The following NTN1 variants were observed in gnomAD, a reference collection of about 807,000 sequenced individuals.
The protein encoded by NTN1 is netrin-1.
Under a neutral mutation model 54.2 loss-of-function variants are expected in NTN1, and 11 were observed. The ratio of observed to expected loss-of-function variants is 0.20; its 90% CI spans 0.13 to 0.34. NTN1 has a LOEUF of 0.34. Among genes scored for constraint, NTN1 ranks in the 10% least tolerant of loss-of-function variants. The probability of loss-of-function intolerance (pLI) is 1.00; values close to 1 mark genes in which losing one functional copy is unlikely to be tolerated. For missense variants in NTN1, 740 were observed against 893.1 expected (o/e 0.83, Z 2.18); for synonymous variants, 371 against 382.0 (o/e 0.97, Z 0.33).
intron 2 of NTN1, among the ~76,000 whole-genome samples, chr17:9,106,587 C>T (rs2092167844): frequency 6.6e-6 from 1 of 151,826 alleles, no homozygotes; most frequent in Non-Finnish European, 1.5e-5. Context: ...ACGCTCGGCT[C>T]ACTGCAACCT....
chr17:9,131,745 T>C (rs1280393533), intron 2 of NTN1, among the ~76,000 whole-genome samples: 6 of 152,074 alleles, frequency 3.9e-5, no homozygotes, highest in Non-Finnish European at 7.4e-5. Flanking sequence ...CACGCCTGGC[T>C]AATTTTTTGT....
intron 2 of NTN1, among the ~76,000 whole-genome samples, chr17:9,063,377 C>T (rs1004134971): frequency 1.3e-5 from 2 of 152,082 alleles, no homozygotes; most frequent in African/African-American, 2.4e-5. Context: ...GGATTACAGG[C>T]GTGAGCCACC....
At chr17:9,162,181 A>G (rs2092358930) in intron 2 of NTN1, among the ~76,000 whole-genome samples, 1 of 152,160 alleles carries the variant, frequency 6.6e-6, no homozygotes, top group African/African-American at 2.4e-5. Flanking sequence ...TGCAGGCCCC[A>G]GAGTCCTCGG....
chr17:9,041,080 G>C (rs1597466725), intron 2 of NTN1, among the ~76,000 whole-genome samples: 1 of 151,942 alleles, frequency 6.6e-6, no homozygotes, highest in Admixed American at 6.6e-5. Flanking sequence ...CCCAAACTGT[G>C]CTCTTTTTTT....
At chr17:9,099,354 G>A (rs559438313) in intron 2 of NTN1, among the ~76,000 whole-genome samples, 72 of 152,142 alleles carry the variant, frequency 4.7e-4, no homozygotes, top group Non-Finnish European at 2.4e-4. Flanking sequence ...GCAGTGAGCC[G>A]AGTTTGCGCC....
chr17:9,111,379 A>G (rs2092190039), intron 2 of NTN1, among the ~76,000 whole-genome samples: 1 of 152,222 alleles, frequency 6.6e-6, no homozygotes. Context: ...GGCAAATGCT[A>G]TGAATTTCAG....
chr17:9,207,845 A>T (rs1905006030), intron 5 of NTN1, among the ~76,000 whole-genome samples: 1 of 152,248 alleles, frequency 6.6e-6, no homozygotes, highest in Admixed American at 6.5e-5. Flanking sequence ...ACATCTGTTA[A>T]AGGTGGCATG....
At chr17:9,218,132 G>A (rs756848480) in intron 5 of NTN1, among the ~76,000 whole-genome samples, 2 of 152,106 alleles carry the variant, frequency 1.3e-5, no homozygotes, top group African/African-American at 4.8e-5. Flanking sequence ...CAGACACTCC[G>A]GCCATTCCCT....
chr17:9,208,492 C>T (rs1468419404), intron 5 of NTN1, among the ~76,000 whole-genome samples: 1 of 152,096 alleles, frequency 6.6e-6, no homozygotes, highest in Non-Finnish European at 1.5e-5. Context: ...GTCCGATTTG[C>T]CAGGGGAGGA....
chr17:9,230,376 T>A (rs1905764117), intron 6 of NTN1, among the ~76,000 whole-genome samples: 2 of 152,056 alleles, frequency 1.3e-5, no homozygotes, highest in South Asian at 4.1e-4. Context: ...GCATGGTGTT[T>A]CGGAGACTTG....
chr17:9,198,479 G>A (rs1377350595), intron 5 of NTN1, among the ~76,000 whole-genome samples: 6 of 152,210 alleles, frequency 3.9e-5, no homozygotes, highest in African/African-American at 9.6e-5. Flanking sequence ...GGCTCTGGGC[G>A]GGGCTCCAGC....
intron 6 of NTN1, among the ~76,000 whole-genome samples, chr17:9,227,657 T>TCAAACCATCACAC (rs137860749): frequency 1.2e-4 from 18 of 147,616 alleles, no homozygotes; most frequent in African/African-American, 4.3e-4. Context: ...CACCATCACA[T>TCAAACCATCACAC]ACCACACACA....
At position 9,201,011 on chromosome 17, in the gene NTN1, G is replaced by GT. The variant is rs947152198; in HGVS notation, c.1411+18050dup. 6.8e-4 allele frequency among the ~76,000 whole-genome samples: 104 copies of GT among 151,968 alleles called. 1 individual carries two copies. Among genetic ancestry groups the GT allele is most frequent in the East Asian group, 2.3e-3 (12 of 5,182 alleles). On this transcript the variant is annotated intron_variant, in intron 5 of 6. Coordinates refer to ENST00000173229, the MANE Select transcript of NTN1 (RefSeq NM_004822.3). Reference sequence around the variant, plus strand: ...TTGTTGCCTCTCTGGATGGGCTGCTGTTTTTTTTAATGGCACAGATGGCAG... The same window carrying GT: ...TTGTTGCCTCTCTGGATGGGCTGCTGTTTTTTTTTAATGGCACAGATGGCAG...
intron 2 of NTN1, among the ~76,000 whole-genome samples, chr17:9,092,695 G>T (rs2092115923): frequency 6.6e-6 from 1 of 152,122 alleles, no homozygotes; most frequent in Non-Finnish European, 1.5e-5. Flanking sequence ...CTGGGTTCAA[G>T]TGATTCTCGT....
At chr17:9,231,447 T>C (rs1207231495) in intron 6 of NTN1, among the ~76,000 whole-genome samples, 3 of 152,172 alleles carry the variant, frequency 2.0e-5, no homozygotes, top group East Asian at 3.9e-4. Context: ...TCAGGTCTCC[T>C]CAGGGAAGCA....
At chr17:9,142,792 T>C (rs1382656548) in intron 2 of NTN1, among the ~76,000 whole-genome samples, 3 of 152,162 alleles carry the variant, frequency 2.0e-5, no homozygotes, top group Admixed American at 2.0e-4. Flanking sequence ...AGTAGATGAA[T>C]TAGTATATGA....
the NTN1 span, among the ~76,000 whole-genome samples, chr17:9,012,968 G>C: frequency 6.6e-6 from 1 of 152,192 alleles, no homozygotes; most frequent in East Asian, 1.9e-4. Context: ...GAATGGGGGT[G>C]GGATGGCTCT....
chr17:9,148,492 T>A (rs979493414), intron 2 of NTN1, among the ~76,000 whole-genome samples: 8 of 152,158 alleles, frequency 5.3e-5, no homozygotes, highest in African/African-American at 1.9e-4. Flanking sequence ...CCAAGCTGGG[T>A]AGGGATCTGG....
At chr17:9,041,838 G>A (rs1026606413) in intron 2 of NTN1, among the ~76,000 whole-genome samples, 30 of 151,952 alleles carry the variant, frequency 2.0e-4, no homozygotes, top group Admixed American at 1.4e-3. Context: ...GTGAAACTTC[G>A]TCTCTACTAA....
Sources: allele counts gnomAD v4.1 joint callset (sites outside exome capture counted in the v4.1 genomes callset), GRCh38; gene constraint gnomAD v4.1.1; transcripts MANE v1.5; gene names NCBI Gene and HGNC (gene_info 2026-07-23, HGNC 2026-07-21).